The following IQSEC1 variants were observed in gnomAD, a reference collection of about 807,000 sequenced individuals.
IQSEC1 encodes the protein IQ motif and Sec7 domain ArfGEF 1, also known as IQ motif and SEC7 domain-containing protein 1.
IQSEC1 carries 31 observed loss-of-function variants against 91.0 expected under a neutral mutation model. The ratio of observed to expected loss-of-function variants is 0.34; its 90% CI spans 0.26 to 0.46. The LOEUF is 0.46. Ranked by LOEUF, IQSEC1 falls within the 20% of genes least tolerant of loss-of-function variation. IQSEC1 has a pLI of 1.00. For synonymous variants in IQSEC1, 699 were observed against 662.6 expected (o/e 1.05, Z -0.84); for missense variants, 1,388 against 1,575.6 (o/e 0.88, Z 2.02).
At chr3:12,903,443 A>G (rs1405569600) in intron 12 of IQSEC1, among the ~76,000 whole-genome samples, 1 of 152,196 alleles carries the variant, frequency 6.6e-6, no homozygotes, top group African/African-American at 2.4e-5. Context: ...AGGGTTGGGG[A>G]CTGCCGGAAA....
chr3:13,142,184 A>G (rs1400261945), intron 2 of IQSEC1, among the ~76,000 whole-genome samples: 1 of 152,230 alleles, frequency 6.6e-6, no homozygotes, highest in Admixed American at 6.5e-5. Flanking sequence ...AACGCATTCT[A>G]AGACCATGCT....
chr3:13,006,802 G>C (rs1035981683), intron 1 of IQSEC1, among the ~76,000 whole-genome samples: 1 of 152,188 alleles, frequency 6.6e-6, no homozygotes, highest in African/African-American at 2.4e-5. Flanking sequence ...TGGGCCGCTG[G>C]GGAACTCTAC....
intron 1 of IQSEC1, among the ~76,000 whole-genome samples, chr3:13,216,887 T>C (rs1694561077): frequency 6.6e-6 from 1 of 152,170 alleles, no homozygotes; most frequent in South Asian, 2.1e-4. Flanking sequence ...TTTCTCCCGA[T>C]GAGTTTAGGT....
intron 1 of IQSEC1, among the ~76,000 whole-genome samples, chr3:13,274,570 A>T (rs1392855714): frequency 6.6e-6 from 1 of 152,240 alleles, no homozygotes; most frequent in East Asian, 1.9e-4. Flanking sequence ...AAGCCAGAAG[A>T]GGGGCCCCCA....
chr3:13,197,206 C>CATG (rs1372543109), intron 1 of IQSEC1, among the ~76,000 whole-genome samples: 1 of 152,212 alleles, frequency 6.6e-6, no homozygotes, highest in African/African-American at 2.4e-5. Flanking sequence ...GCACATGAAC[C>CATG]ATGTCTTCCT....
chr3:13,167,013 GTGTGTGCATGTGCAAACA>G (rs1559268366), intron 1 of IQSEC1, among the ~76,000 whole-genome samples: 1 of 152,230 alleles, frequency 6.6e-6, no homozygotes, highest in Non-Finnish European at 1.5e-5. Context: ...ATGCCTGTGC[GTGTGTGCATGTGCAAACA>G]TGTGTGCATG....
intron 1 of IQSEC1, among the ~76,000 whole-genome samples, chr3:13,274,918 G>A (rs1695650039): frequency 6.6e-6 from 1 of 152,212 alleles, no homozygotes; most frequent in Non-Finnish European, 1.5e-5. Flanking sequence ...AAGGGACCAT[G>A]CCACATTTGG....
intron 6 of IQSEC1, 33 bp from the exon 7 acceptor site, chr3:12,915,766 G>A: frequency 6.2e-7 from 1 of 1,606,600 alleles, no homozygotes; most frequent in Non-Finnish European, 8.5e-7. Flanking sequence ...TATCAGGGTG[G>A]GCCCCAGGCT....
intron 1 of IQSEC1, among the ~76,000 whole-genome samples, chr3:13,203,957 C>T (rs746940267): frequency 6.6e-6 from 1 of 152,250 alleles, no homozygotes; most frequent in Non-Finnish European, 1.5e-5. Flanking sequence ...GGCTTTCCTG[C>T]CCTAGGCCCC....
At chr3:13,206,035 C>T (rs1321969179) in intron 1 of IQSEC1, among the ~76,000 whole-genome samples, 2 of 150,870 alleles carry the variant, frequency 1.3e-5, no homozygotes, top group Non-Finnish European at 3.0e-5. Flanking sequence ...TCCCCCATCC[C>T]CCCATCTGCC....
chr3:13,158,385 T>A (rs1707116559), intron 2 of IQSEC1, among the ~76,000 whole-genome samples: 3 of 152,202 alleles, frequency 2.0e-5, no homozygotes, highest in African/African-American at 2.4e-5. Flanking sequence ...TCATTTTGGG[T>A]TTGGGGAAAA....
intron 2 of IQSEC1, among the ~76,000 whole-genome samples, chr3:13,082,480 G>A (rs17775907): frequency 0.08 from 12,136 of 152,256 alleles, 534 homozygotes; most frequent in Middle Eastern, 0.22. Flanking sequence ...GGTACCCAGC[G>A]GGCATTCTCT....
chr3:13,066,420 C>T (rs1705230625), intron 1 of IQSEC1, among the ~76,000 whole-genome samples: 1 of 152,248 alleles, frequency 6.6e-6, no homozygotes, highest in South Asian at 2.1e-4. Context: ...GAGGACTCGC[C>T]ACGCGCCATG....
At chr3:13,123,478 T>C (rs1011297505) in intron 2 of IQSEC1, among the ~76,000 whole-genome samples, 5 of 152,182 alleles carry the variant, frequency 3.3e-5, no homozygotes, top group African/African-American at 1.2e-4. Context: ...AGGTCTTACA[T>C]GTGTATGTGG....
At chr3:13,151,984 A>G (rs1398832943) in intron 2 of IQSEC1, among the ~76,000 whole-genome samples, 4 of 152,118 alleles carry the variant, frequency 2.6e-5, no homozygotes, top group African/African-American at 9.7e-5. Context: ...CAAAACAACA[A>G]CAACAAAAAC....
chr3:13,038,142 G>A (rs1240898981), intron 1 of IQSEC1, among the ~76,000 whole-genome samples: 1 of 148,684 alleles, frequency 6.7e-6, no homozygotes, highest in African/African-American at 2.5e-5. Context: ...ACAGATGAAT[G>A]GATAAAGAAA....
chr3:13,152,513 TCTG>T lies in IQSEC1; in HGVS notation c.302+11588_302+11590del, dbSNP rs1707015991. Among the ~76,000 whole-genome samples, 8 of 152,246 alleles carry T rather than the reference TCTG, an allele frequency of 5.3e-5. No homozygotes were observed. In the South Asian group the frequency reaches 1.7e-3, roughly 32 times the overall value. On this transcript the variant is annotated intron_variant, in intron 2 of 15. Coordinates refer to the IQSEC1 transcript ENST00000648114. ...TTTCCTCTCAAGTCTCTCTTCCTCA[TCTG>T]CTCTATCTCAGTAAAAAGCACTGCT... is the stretch of plus-strand genomic sequence containing the variant.
chr3:13,091,270 G>A (rs896920631), intron 2 of IQSEC1, among the ~76,000 whole-genome samples: 6 of 152,232 alleles, frequency 3.9e-5, no homozygotes, highest in Admixed American at 3.9e-4. Context: ...GCTGCTGGTT[G>A]CTGTCCTCCT....
At chr3:13,209,805 C>T (rs750997875) in intron 1 of IQSEC1, among the ~76,000 whole-genome samples, 13 of 152,208 alleles carry the variant, frequency 8.5e-5, no homozygotes, top group Admixed American at 2.0e-4. Flanking sequence ...TGCTGCTGTG[C>T]GTGCTCCCTT....
Sources: gnomAD v4.1 joint callset for allele counts (sites outside exome capture counted in the v4.1 genomes callset) on GRCh38, gnomAD v4.1.1 for gene constraint, MANE v1.5 for transcripts, NCBI Gene and HGNC (gene_info 2026-07-23, HGNC 2026-07-21) for gene names.